The following IL17RA variants were observed in gnomAD, a reference collection of about 807,000 sequenced individuals.
IL17RA encodes interleukin-17 receptor A.
IL17RA carries 34 observed loss-of-function variants against 50.4 expected under a neutral mutation model. That is an observed-to-expected ratio of 0.67 (90% confidence interval 0.51 to 0.90). The LOEUF is 0.90. Ranked by LOEUF, IL17RA falls within the 40% of genes least tolerant of loss-of-function variation. IL17RA has a pLI of 0.00. For missense variants in IL17RA, 1,276 were observed against 1,169.8 expected, an observed-to-expected ratio of 1.09 and a Z score of -1.32; for synonymous variants, 585 against 510.4, an observed-to-expected ratio of 1.15 and a Z score of -1.97.
chr22:17,105,934 G>T lies in IL17RA; in HGVS notation c.1025G>T (p.Cys342Phe), dbSNP rs770647362. ...GGCTCCGTCATCCTGCTCATCGTCT[G>T]CATGACCTGGAGGCTAGCTGGTAAG... is the stretch of plus-strand genomic sequence containing the variant. ...LVGSVILLIV[C>F]MTWRLAGPGS... is the part of the protein sequence containing the mutation. Residue 342 changes from cysteine (C) to phenylalanine (F), a missense_variant, in exon 11 of 13, where the codon TGC becomes TTC. Cys to Phe is a radical substitution (Grantham distance 205). Transcript: ENST00000319363. 1 of 1,614,116 alleles carries T rather than the reference G, an allele frequency of 6.2e-7. No individual in the cohort carries two copies. The highest frequency in any genetic ancestry group is 1.7e-5 in the Admixed American group (1 of 60,018).
rs41355247 is a variant in IL17RA at position 17,108,122 on chromosome 22, T to C, written c.1088-185T>C. ...TTTTCCCACAAGGCAGCAGACTGAT[T>C]TTTTTCAGGCAGCCAAAGGTGGAAT... On this transcript the variant is annotated intron_variant, in intron 12 of 12. Coordinates refer to ENST00000319363, the MANE Select transcript of IL17RA (RefSeq NM_014339.7). Among the ~76,000 whole-genome samples, 1,228 of 152,352 alleles carry C rather than the reference T, an allele frequency of 8.1e-3. 14 individuals carry two copies. Among genetic ancestry groups the C allele is most frequent in the African/African-American group, 0.027 (1,140 of 41,586 alleles).
In IL17RA at chr22:17,110,168, G is replaced by A. The variant is rs1402721033; in HGVS notation, c.*348G>A. On this transcript the variant is annotated 3_prime_UTR_variant, in exon 13 of 13. Transcript: ENST00000319363. Reference sequence around the variant, plus strand: ...TTGCATGCGGCATGGCCCCAGCCATGAAGGAACTTAACCGCTAGTGCCGAG... The same window carrying A: ...TTGCATGCGGCATGGCCCCAGCCATAAAGGAACTTAACCGCTAGTGCCGAG... 5.6e-6 allele frequency: 2 copies of A among 359,780 alleles called. No individual in the cohort carries two copies. Among genetic ancestry groups the A allele is most frequent in the Non-Finnish European group, 1.1e-5 (2 of 189,612 alleles). The allele number at this position is 359,780 out of a possible 1,614,324, so 22.3% of individuals were successfully genotyped here.
chr22:17,091,306 G>A (rs1482195332), intron 1 of IL17RA, among the ~76,000 whole-genome samples: 1 of 152,152 alleles, frequency 6.6e-6, no homozygotes, highest in Non-Finnish European at 1.5e-5. Flanking sequence ...AAAATTATGT[G>A]TTAAAGATAA....
Position 17,115,679 on chromosome 22 carries a change from CCAAA to C in IL17RA, c.*5864_*5867del, listed in dbSNP as rs1327826453. ...TACTACCCTTCATGTTAAAATAAAA[CCAAA>C]CAAAAACCCATGGCCTTGTTCTTCT... On this transcript the variant is annotated 3_prime_UTR_variant, in exon 13 of 13. Transcript: ENST00000319363. 4 of 152,284 alleles carry C rather than the reference CCAAA, an allele frequency of 2.6e-5. No homozygotes were observed. Among genetic ancestry groups the C allele is most frequent in the Admixed American group, 6.5e-5 (1 of 15,300 alleles). 9.4% of individuals were successfully genotyped at this position (152,284 alleles called of 1,614,324 possible).
chr22:17,085,713 T>C (rs1009788086), intron 1 of IL17RA, among the ~76,000 whole-genome samples: 7 of 152,038 alleles, frequency 4.6e-5, no homozygotes, highest in Admixed American at 3.9e-4. Flanking sequence ...CATCGCGCCC[T>C]CGGGAGCTTC....
In IL17RA at chr22:17,101,928, CAGG is replaced by C. The variant is rs528291226; in HGVS notation, c.551-65_551-63del. ...GGGAAAAGATTGTTGTTCTTGGTGT[CAGG>C]AGTCTGGAAGAACAGATTTCTGAAG... On this transcript the variant is annotated intron_variant, in intron 5 of 12. Transcript: ENST00000319363. 177 of 1,587,916 alleles carry C rather than the reference CAGG, an allele frequency of 1.1e-4. No homozygotes were observed. In the African/African-American group the frequency reaches 2.2e-3, roughly 20 times the overall value.
Position 17,100,385 on chromosome 22 carries a change from G to A in IL17RA, c.454G>A (p.Asp152Asn). 1 of 1,614,038 alleles carries A rather than the reference G, an allele frequency of 6.2e-7. No homozygotes were observed. Among genetic ancestry groups the A allele is most frequent in the South Asian group, 1.1e-5 (1 of 91,076 alleles). Residue 152 changes from aspartate to asparagine, a missense_variant, in exon 5 of 13, where the codon GAC becomes AAC. Physicochemically the swap from Asp to Asn is conservative, Grantham distance 23. Coordinates refer to ENST00000319363, the MANE Select transcript of IL17RA (RefSeq NM_014339.7). ...TTTTACCTTCAGCCACTTTGTGGTT[G>A]ACCCTGACCAGGAATATGAGGTGAC... is the stretch of plus-strand genomic sequence containing the variant. ...WRFTFSHFVV[D>N]PDQEYEVTVH... is the part of the protein sequence containing the mutation.
intron 1 of IL17RA, among the ~76,000 whole-genome samples, chr22:17,093,109 G>T (rs73380089): frequency 2.0e-5 from 3 of 150,780 alleles, no homozygotes; most frequent in African/African-American, 2.4e-5. Context: ...TAATTGTTTT[G>T]ATCTATTTTT....
intron 1 of IL17RA, among the ~76,000 whole-genome samples, chr22:17,086,228 C>A (rs1394062805): frequency 6.6e-6 from 1 of 151,554 alleles, no homozygotes; most frequent in African/African-American, 2.4e-5. Context: ...CTCCCCTCCA[C>A]CTCCACCTCC....
chr22:17,097,801 C>T lies in IL17RA; in HGVS notation c.168C>T (p.Thr56=), dbSNP rs766418851. 2.5e-5 allele frequency: 41 copies of T among 1,614,096 alleles called. No homozygotes were observed. Among genetic ancestry groups the T allele is most frequent in the Non-Finnish European group, 1.5e-5 (18 of 1,180,056 alleles). The change falls in exon 3 of 13, where the codon ACC becomes ACT. Residue 56 remains threonine, a synonymous_variant. Transcript: ENST00000319363. The part of the protein sequence containing the change: ...PGLNCTVKNS[T]CLDDSWIHPR... ...TTGCTTTTCCCTGGCTGCCAGGTACCTGCCTGGATGACAGCTGGATTCACC... is the reference window on the plus strand; with the variant it reads ...TTGCTTTTCCCTGGCTGCCAGGTACTTGCCTGGATGACAGCTGGATTCACC...
At chr22:17,094,746 T>C (rs2061363169) in intron 1 of IL17RA, among the ~76,000 whole-genome samples, 1 of 133,670 alleles carries the variant, frequency 7.5e-6, no homozygotes, top group South Asian at 2.3e-4. Context: ...ATGACTTATT[T>C]CCATAGAAAT....
intron 1 of IL17RA, among the ~76,000 whole-genome samples, chr22:17,085,712 C>G (rs2061325083): frequency 6.6e-6 from 1 of 152,190 alleles, no homozygotes; most frequent in African/African-American, 2.4e-5. Flanking sequence ...CCATCGCGCC[C>G]TCGGGAGCTT....
chr22:17,108,513 C>T lies in IL17RA; in HGVS notation c.1294C>T (p.Gln432Ter). ...EAGVMTWVGR[Q>*]KQEMVESNSK... ...AGGAGTCATGACCTGGGTGGGCCGTCAGAAGCAGGAGATGGTGGAGAGCAA... is the reference window on the plus strand; with the variant it reads ...AGGAGTCATGACCTGGGTGGGCCGTTAGAAGCAGGAGATGGTGGAGAGCAA... The change falls in exon 13 of 13, where the codon CAG becomes TAG. Residue 432 changes from glutamine to a stop codon, truncating the protein, a stop_gained. Transcript: ENST00000319363. LOFTEE classifies it low-confidence loss of function (END_TRUNC). 2 of 1,612,262 alleles carry T rather than the reference C, an allele frequency of 1.2e-6. No individual in the cohort carries two copies. The highest frequency in any genetic ancestry group is 1.7e-6 in the Non-Finnish European group (2 of 1,180,020).
chr22:17,091,911 G>T (rs1348534775), intron 1 of IL17RA, among the ~76,000 whole-genome samples: 1 of 151,972 alleles, frequency 6.6e-6, no homozygotes, highest in Non-Finnish European at 1.5e-5. Flanking sequence ...CCTTTTTCTG[G>T]CATAGAACTC....
intron 2 of IL17RA, 182 bp downstream of exon 2, chr22:17,097,268 C>A: frequency 3.0e-6 from 2 of 671,808 alleles, no homozygotes; most frequent in Non-Finnish European, 5.5e-6. Context: ...CGAGAACATT[C>A]ATTATGCAAA....
At chr22:17,097,545 C>G (rs2061372669) in intron 2 of IL17RA, 2 of 580,584 alleles carry the variant, frequency 3.4e-6, no homozygotes, top group Admixed American at 6.0e-5. Context: ...ATCACAACTT[C>G]TTCTCAAAAT....
chr22:17,094,691 C>CTCTCTCTATATA (rs1448096911), intron 1 of IL17RA, among the ~76,000 whole-genome samples: 9 of 24,696 alleles, frequency 3.6e-4, no homozygotes, highest in Admixed American at 4.5e-4. Flanking sequence ...CTCTCTCTCT[C>CTCTCTCTATATA]TATATATATA....
At chr22:17,105,725 G>GC in intron 10 of IL17RA, 123 bp downstream of exon 10, 1 of 1,343,702 alleles carries the variant, frequency 7.4e-7, no homozygotes, top group Non-Finnish European at 1.0e-6. Context: ...CGGGGTGGGG[G>GC]GTGAGACCAT....
chr22:17,097,152 T>C (rs2061371333), intron 2 of IL17RA, 66 bp downstream of exon 2: 3 of 1,483,302 alleles, frequency 2.0e-6, no homozygotes, highest in Non-Finnish European at 2.8e-6. Flanking sequence ...TGCTGCCAAC[T>C]TCTGACAGAA....
Sources: allele counts gnomAD v4.1 joint callset (sites outside exome capture counted in the v4.1 genomes callset), GRCh38; gene constraint gnomAD v4.1.1; transcripts MANE v1.5; gene names NCBI Gene and HGNC (gene_info 2026-07-23, HGNC 2026-07-21).